RFX3: variants seen among roughly 807,000 people sequenced by gnomAD.
RFX3 encodes the protein regulatory factor X3.
Under a neutral mutation model 98.6 loss-of-function variants are expected in RFX3, and 14 were observed. The ratio of observed to expected loss-of-function variants is 0.14; its 90% CI spans 0.09 to 0.22. RFX3 has a LOEUF of 0.22. RFX3 is among the 10% of genes least tolerant of loss of function. The pLI, the probability that RFX3 is intolerant of heterozygous loss-of-function variation, is 1.00. For missense variants in RFX3, 639 were observed against 926.9 expected, an observed-to-expected ratio of 0.69 and a Z score of 4.03; for synonymous variants, 383 against 328.4, an observed-to-expected ratio of 1.17 and a Z score of -1.80.
rs573681274 is a variant in RFX3, at chr9:3,439,297, G to C, written c.-8-43701C>G. ...AAGAGTAAATCAAGCCTCAAGTAAT[G>C]AGAAGAGAGAAAGTAAGGATCATGG... On this transcript the variant is annotated intron_variant, in intron 1 of 16. Coordinates refer to ENST00000617270, the MANE Select transcript of RFX3 (RefSeq NM_001282116.2). Among the ~76,000 whole-genome samples, 58 of 151,944 alleles carry C rather than the reference G, an allele frequency of 3.8e-4. 1 individual carries two copies. The highest frequency in any genetic ancestry group is 1.4e-3 in the African/African-American group (58 of 41,518).
chr9:3,366,198 C>G (rs1479747436), intron 2 of RFX3, among the ~76,000 whole-genome samples: 2 of 152,136 alleles, frequency 1.3e-5, no homozygotes, highest in African/African-American at 2.4e-5. Context: ...GGACCCAACA[C>G]AAATACAAGG....
At chr9:3,465,386 G>C (rs148478189) in intron 1 of RFX3, among the ~76,000 whole-genome samples, 1 of 150,924 alleles carries the variant, frequency 6.6e-6, no homozygotes, top group South Asian at 2.1e-4. Context: ...CACCTCCTGA[G>C]TTCAAGTGAT....
chr9:3,346,774 A>C lies in RFX3; in HGVS notation c.118-10T>G, dbSNP rs1243323718. On this transcript the variant is annotated splice_polypyrimidine_tract_variant and intron_variant, in intron 2 of 16. Transcript: ENST00000617270. ...TCTGTACCTGCTGTACCTGAAAAAC[A>C]AGTATTAGGACCTTGGTAAGAGGTA... is the stretch of plus-strand genomic sequence containing the variant. 2 of 1,577,016 alleles carry C rather than the reference A, an allele frequency of 1.3e-6. No homozygotes were observed.
At chr9:3,261,196 C>G (rs983781745) in intron 13 of RFX3, among the ~76,000 whole-genome samples, 2 of 152,018 alleles carry the variant, frequency 1.3e-5, no homozygotes. Flanking sequence ...TCAAAGGTTT[C>G]TTTTAGGATA....
chr9:3,465,984 A>G (rs1010278150), intron 1 of RFX3, among the ~76,000 whole-genome samples: 2 of 152,192 alleles, frequency 1.3e-5, no homozygotes, highest in Non-Finnish European at 2.9e-5. Flanking sequence ...GAGTAGAGAC[A>G]ACATATTTGA....
intron 2 of RFX3, among the ~76,000 whole-genome samples, chr9:3,350,889 G>C (rs1446678318): frequency 6.6e-6 from 1 of 152,000 alleles, no homozygotes; most frequent in Admixed American, 6.6e-5. Context: ...TTCTGGAAAA[G>C]GTCAAATGAC....
At chr9:3,512,586 T>C (rs551331302) in intron 1 of RFX3, among the ~76,000 whole-genome samples, 1 of 152,034 alleles carries the variant, frequency 6.6e-6, no homozygotes, top group East Asian at 1.9e-4. Context: ...AGGCAACACC[T>C]CAATTTAATC....
At chr9:3,250,235 T>C (rs1445141656) in intron 14 of RFX3, among the ~76,000 whole-genome samples, 3 of 151,988 alleles carry the variant, frequency 2.0e-5, no homozygotes, top group Non-Finnish European at 4.4e-5. Context: ...TTGAAATAAA[T>C]GATTTTTAAA....
At chr9:3,485,677 A>C (rs1442966003) in intron 1 of RFX3, among the ~76,000 whole-genome samples, 1 of 152,222 alleles carries the variant, frequency 6.6e-6, no homozygotes, top group Non-Finnish European at 1.5e-5. Context: ...TTTTTATCTT[A>C]GTTTATCTCT....
intron 2 of RFX3, among the ~76,000 whole-genome samples, chr9:3,377,291 G>C (rs1236467451): frequency 6.6e-6 from 1 of 152,200 alleles, no homozygotes; most frequent in Non-Finnish European, 1.5e-5. Context: ...CATGTCCTTT[G>C]TAGGGACATG....
rs563099962 is a variant in RFX3, at chr9:3,247,967, C to T, written c.1968+65G>A. ...GGTTTTAATCAATAATGTATTTAGA[C>T]TGAAGTGTAATTCTGGCTTATTTTT... On this transcript the variant is annotated intron_variant, in intron 15 of 16. Coordinates refer to ENST00000617270, the MANE Select transcript of RFX3 (RefSeq NM_001282116.2). 4.3e-6 allele frequency: 7 copies of T among 1,613,762 alleles called. No homozygotes were observed. The Admixed American group carries it at 5.0e-5, about 12-fold the overall frequency.
rs1485073502 is a variant in RFX3 at position 3,221,601 on chromosome 9, AAC to A, written c.*3439_*3440del. 1 of 152,172 alleles carries A rather than the reference AAC, an allele frequency of 6.6e-6. No homozygotes were observed. Among genetic ancestry groups the A allele is most frequent in the Non-Finnish European group, 1.5e-5 (1 of 68,006 alleles). The allele number at this position is 152,172 out of a possible 1,614,324, so 9.4% of individuals were successfully genotyped here. On this transcript the variant is annotated 3_prime_UTR_variant, in exon 17 of 17. Coordinates refer to ENST00000617270, the MANE Select transcript of RFX3 (RefSeq NM_001282116.2). ...CAGTAAGACTTATACAGTCAGTCCAAACACAGTTTGGATGAAAATCCTGAATA... is the reference window on the plus strand; with the variant it reads ...CAGTAAGACTTATACAGTCAGTCCAAACAGTTTGGATGAAAATCCTGAATA...
At chr9:3,306,898 T>C (rs971014679) in intron 4 of RFX3, among the ~76,000 whole-genome samples, 21 of 152,246 alleles carry the variant, frequency 1.4e-4, no homozygotes, top group Admixed American at 9.2e-4. Flanking sequence ...TTTGGGTCTG[T>C]GTCCCCACAC....
At chr9:3,497,625 C>T (rs779719572) in intron 1 of RFX3, among the ~76,000 whole-genome samples, 1 of 151,794 alleles carries the variant, frequency 6.6e-6, no homozygotes. Flanking sequence ...TGGGAAATGC[C>T]ACTGTGGACA....
At chr9:3,504,074 G>A (rs991322256) in intron 1 of RFX3, among the ~76,000 whole-genome samples, 5 of 146,258 alleles carry the variant, frequency 3.4e-5, no homozygotes, top group South Asian at 2.1e-4. Flanking sequence ...CAATCGGCTC[G>A]ATTCCTTAGT....
chr9:3,500,455 T>A (rs372159341), intron 1 of RFX3, among the ~76,000 whole-genome samples: 65 of 152,304 alleles, frequency 4.3e-4, no homozygotes, highest in African/African-American at 1.3e-3. Flanking sequence ...TATTCCTTGC[T>A]TCATCCTTCT....
chr9:3,399,873 T>A (rs923781843), intron 1 of RFX3, among the ~76,000 whole-genome samples: 8 of 150,178 alleles, frequency 5.3e-5, no homozygotes, highest in African/African-American at 2.0e-4. Flanking sequence ...CACTTGAACC[T>A]GGGAGGCAGA....
At chr9:3,425,796 A>G (rs963896257) in intron 1 of RFX3, among the ~76,000 whole-genome samples, 4 of 152,216 alleles carry the variant, frequency 2.6e-5, no homozygotes, top group African/African-American at 9.6e-5. Context: ...ACCATGAGGT[A>G]TTGTACCTTA....
At chr9:3,266,623 A>G (rs1823670579) in intron 11 of RFX3, among the ~76,000 whole-genome samples, 1 of 152,038 alleles carries the variant, frequency 6.6e-6, no homozygotes, top group Admixed American at 6.6e-5. Flanking sequence ...CTTGCTTGGA[A>G]AAAAACACTC....
Sources: gnomAD v4.1 joint callset for allele counts (sites outside exome capture counted in the v4.1 genomes callset) on GRCh38, gnomAD v4.1.1 for gene constraint, MANE v1.5 for transcripts, NCBI Gene and HGNC (gene_info 2026-07-23, HGNC 2026-07-21) for gene names.